The following SMPD3 variants were observed in gnomAD, a reference collection of about 807,000 sequenced individuals.
SMPD3 encodes sphingomyelin phosphodiesterase 3, also known as nSMase-2.
A neutral mutation model predicts 55.7 loss-of-function variants in SMPD3; 21 were observed. That is an observed-to-expected ratio of 0.38 (90% CI 0.27 to 0.54). The LOEUF (loss-of-function observed/expected upper bound fraction) is 0.54, where lower values mean the gene tolerates loss of function less well. Among genes scored for constraint, SMPD3 ranks in the 20% least tolerant of loss-of-function variants. SMPD3 has a pLI of 0.80. For synonymous variants in SMPD3, 457 were observed against 404.3 expected (o/e 1.13, Z -1.56); for missense variants, 842 against 899.6 (o/e 0.94, Z 0.82).
Position 68,361,744 on chromosome 16 carries a change from C to G in SMPD3, c.1725G>C (p.Glu575Asp). The G allele has an allele frequency of 1.2e-6, 2 of 1,612,626 alleles. No homozygotes were observed. Among genetic ancestry groups the G allele is most frequent in the Non-Finnish European group, 1.7e-6 (2 of 1,179,946 alleles). ...PDNLQKVLES[E>D]EGRREYLAFP... ...ACGCCAGGTACTCCCTGCGGCCCTCCTCACTCTCCAGGACCCTGTCCACAC... is the reference window on the plus strand; with the variant it reads ...ACGCCAGGTACTCCCTGCGGCCCTCGTCACTCTCCAGGACCCTGTCCACAC... The change falls in exon 8 of 9, where the codon GAG becomes GAC. Residue 575 changes from glutamate (E) to aspartate (D), a missense_variant. Glu to Asp is a conservative substitution (Grantham distance 45). Transcript: ENST00000219334.
chr16:68,423,103 C>T (rs2090408591), intron 1 of SMPD3, among the ~76,000 whole-genome samples: 1 of 152,130 alleles, frequency 6.6e-6, no homozygotes, highest in Non-Finnish European at 1.5e-5. Context: ...GAAACTAAGG[C>T]TCAAAGAGGT....
intron 1 of SMPD3, among the ~76,000 whole-genome samples, chr16:68,411,564 C>T (rs1249225226): frequency 6.6e-6 from 1 of 152,140 alleles, no homozygotes; most frequent in Non-Finnish European, 1.5e-5. Context: ...TGATGGCCAG[C>T]AGGGCTGCCC....
intron 1 of SMPD3, among the ~76,000 whole-genome samples, chr16:68,424,356 G>A (rs909290644): frequency 5.9e-5 from 9 of 152,020 alleles, no homozygotes; most frequent in Admixed American, 3.3e-4. Flanking sequence ...TGCAGGGGCC[G>A]TAGGGGGAAT....
At chr16:68,376,723 G>A (rs2089825126) in intron 2 of SMPD3, among the ~76,000 whole-genome samples, 1 of 152,174 alleles carries the variant, frequency 6.6e-6, no homozygotes, top group Non-Finnish European at 1.5e-5. Flanking sequence ...CTGAGCCCTG[G>A]GGTCAGTGTG....
chr16:68,444,622 T>C (rs1467274243), intron 1 of SMPD3, among the ~76,000 whole-genome samples: 1 of 152,260 alleles, frequency 6.6e-6, no homozygotes, highest in Non-Finnish European at 1.5e-5. Context: ...TTAAACATTC[T>C]TGATTAACTT....
intron 1 of SMPD3, among the ~76,000 whole-genome samples, chr16:68,446,790 C>T (rs1315130925): frequency 6.6e-6 from 1 of 152,204 alleles, no homozygotes; most frequent in Non-Finnish European, 1.5e-5. Context: ...GGTGGAGCCC[C>T]CACCTGTCCC....
intron 1 of SMPD3, among the ~76,000 whole-genome samples, chr16:68,443,527 A>G (rs2090584485): frequency 6.6e-6 from 1 of 152,258 alleles, no homozygotes; most frequent in Non-Finnish European, 1.5e-5. Context: ...TTAAAAACGA[A>G]AAACAATGAC....
chr16:68,360,985 G>C lies in SMPD3; in HGVS notation c.*221C>G, dbSNP rs1158456194. 3.6e-6 allele frequency: 2 copies of C among 553,520 alleles called. No individual in the cohort carries two copies. Among genetic ancestry groups the C allele is most frequent in the Non-Finnish European group, 3.2e-6 (1 of 311,512 alleles). The allele number at this position is 553,520 out of a possible 1,614,324, so 34.3% of individuals were successfully genotyped here. A position where few individuals can be genotyped will look rare whatever the true frequency, so the allele number is the denominator to read the frequency against. On this transcript the variant is annotated 3_prime_UTR_variant, in exon 9 of 9. Transcript: ENST00000219334. ...ATCGTGTTGTGAAAGAATGGCACTG[G>C]TTAGGCAGCTGGAGGCTCCTGGGGC... is the stretch of plus-strand genomic sequence containing the variant.
In SMPD3 at chr16:68,371,584, C is replaced by A; in HGVS notation, c.598G>T (p.Val200Phe). 1 of 1,575,310 alleles carries A rather than the reference C, an allele frequency of 6.3e-7. No homozygotes were observed. The highest frequency in any genetic ancestry group is 8.6e-7 in the Non-Finnish European group (1 of 1,161,778). Residue 200 changes from valine to phenylalanine, a missense_variant, in exon 3 of 9, where the codon GTC (valine) becomes TTC (phenylalanine). By Grantham distance (50) the Val-to-Phe change is conservative (BLOSUM62 -1). Coordinates refer to ENST00000219334, the MANE Select transcript of SMPD3 (RefSeq NM_018667.4). ...GCTGTCCTCTTAATGCTCCCGGGGA[C>A]GGCCCGGGCCACCCCATCGCCGCCC... is the stretch of plus-strand genomic sequence containing the variant. ...PQGGDGVARA[V>F]PGSIKRTASV...
chr16:68,396,037 T>C (rs1204659197), intron 1 of SMPD3, among the ~76,000 whole-genome samples: 2 of 152,042 alleles, frequency 1.3e-5, no homozygotes, highest in African/African-American at 4.8e-5. Context: ...CCCCTAGTTG[T>C]CTACTCTGTC....
chr16:68,435,481 A>T (rs1001079814), intron 1 of SMPD3, among the ~76,000 whole-genome samples: 1 of 150,462 alleles, frequency 6.6e-6, no homozygotes, highest in African/African-American at 2.5e-5. Context: ...ACACTCTGGC[A>T]TTTTTTTTTT....
chr16:68,431,742 T>C (rs1030420543), intron 1 of SMPD3, among the ~76,000 whole-genome samples: 2 of 152,124 alleles, frequency 1.3e-5, no homozygotes, highest in African/African-American at 4.8e-5. Flanking sequence ...GTCAACAAGA[T>C]GAAAACTTGT....
At chr16:68,397,415 A>G (rs896683585) in intron 1 of SMPD3, among the ~76,000 whole-genome samples, 1 of 152,214 alleles carries the variant, frequency 6.6e-6, no homozygotes, top group African/African-American at 2.4e-5. Flanking sequence ...AGCAGGAACC[A>G]GGTAGAGTTC....
chr16:68,372,596 C>T (rs1160003177), intron 2 of SMPD3, among the ~76,000 whole-genome samples: 2 of 152,188 alleles, frequency 1.3e-5, no homozygotes, highest in Non-Finnish European at 2.9e-5. Flanking sequence ...TCTCTTGGAG[C>T]GAATAGCTTG....
chr16:68,390,728 T>G (rs1019629895), intron 1 of SMPD3, among the ~76,000 whole-genome samples: 4 of 152,164 alleles, frequency 2.6e-5, no homozygotes, highest in African/African-American at 9.7e-5. Flanking sequence ...CTCAGCCTCA[T>G]TTTACCCAGC....
intron 1 of SMPD3, among the ~76,000 whole-genome samples, chr16:68,411,954 G>A (rs929071981): frequency 2.0e-5 from 3 of 152,146 alleles, no homozygotes; most frequent in African/African-American, 7.2e-5. Context: ...GGGAGAGGCT[G>A]GGGTGGGGGA....
At chr16:68,367,163 T>C (rs1386746294) in intron 3 of SMPD3, among the ~76,000 whole-genome samples, 1 of 152,184 alleles carries the variant, frequency 6.6e-6, no homozygotes, top group Admixed American at 6.5e-5. Context: ...AGAATGAGAC[T>C]GTCTCAAAAT....
chr16:68,398,868 G>A (rs1379080849), intron 1 of SMPD3, among the ~76,000 whole-genome samples: 1 of 152,204 alleles, frequency 6.6e-6, no homozygotes, highest in East Asian at 1.9e-4. Flanking sequence ...GGGATCTGTG[G>A]CAGAGCACAC....
At chr16:68,443,344 C>T (rs1183145172) in intron 1 of SMPD3, among the ~76,000 whole-genome samples, 1 of 152,176 alleles carries the variant, frequency 6.6e-6, no homozygotes, top group African/African-American at 2.4e-5. Context: ...GTGTTAGAGG[C>T]TTTGCTATGA....
Sources: gnomAD v4.1 joint callset for allele counts (sites outside exome capture counted in the v4.1 genomes callset) on GRCh38, gnomAD v4.1.1 for gene constraint, MANE v1.5 for transcripts, NCBI Gene and HGNC (gene_info 2026-07-23, HGNC 2026-07-21) for gene names.